Variants in PDE4B observed in about 807,000 individuals in gnomAD.
PDE4B encodes the protein 3',5'-cyclic-AMP phosphodiesterase 4B.
PDE4B carries 20 observed loss-of-function variants against 82.2 expected under a neutral mutation model. That is an observed-to-expected ratio of 0.24 (90% CI 0.17 to 0.35). The LOEUF (loss-of-function observed/expected upper bound fraction) is 0.35. Ranked by LOEUF, PDE4B falls within the 10% of genes least tolerant of loss-of-function variation. The pLI, the probability that PDE4B is intolerant of heterozygous loss-of-function variation, is 1.00. For missense variants in PDE4B, 655 were observed against 907.2 expected (o/e 0.72, Z 3.57); for synonymous variants, 320 against 318.9 (o/e 1.00, Z -0.04).
intron 3 of PDE4B, among the ~76,000 whole-genome samples, chr1:66,192,869 A>T (rs560466313): frequency 6.6e-6 from 1 of 152,282 alleles, no homozygotes; most frequent in Non-Finnish European, 1.5e-5. Flanking sequence ...TAAGCACCAA[A>T]CATATAATCA....
At chr1:65,912,164 CT>C (rs1410255295) in intron 1 of PDE4B, among the ~76,000 whole-genome samples, 7 of 152,066 alleles carry the variant, frequency 4.6e-5, no homozygotes, top group Admixed American at 2.0e-4. Context: ...TATAGTACAT[CT>C]TTTTTCAGTT....
intron 10 of PDE4B, 66 bp from the exon 11 acceptor site, chr1:66,363,102 T>TA (rs1041238086): frequency 3.7e-6 from 4 of 1,092,928 alleles, no homozygotes; most frequent in Admixed American, 2.0e-5. Context: ...AAAAATAAAT[T>TA]AAAAAAATGA....
At chr1:66,006,212 G>A (rs1018852094) in intron 3 of PDE4B, among the ~76,000 whole-genome samples, 3 of 152,148 alleles carry the variant, frequency 2.0e-5, no homozygotes, top group East Asian at 1.9e-4. Flanking sequence ...CAGCTTTGCT[G>A]CATTTGTGTA....
At chr1:66,223,951 G>A (rs1269764691) in intron 3 of PDE4B, among the ~76,000 whole-genome samples, 1 of 152,162 alleles carries the variant, frequency 6.6e-6, no homozygotes, top group Non-Finnish European at 1.5e-5. Flanking sequence ...CTACGTGCAT[G>A]TAGATGATGC....
At chr1:66,362,087 C>T (rs1662824600) in intron 10 of PDE4B, among the ~76,000 whole-genome samples, 1 of 151,946 alleles carries the variant, frequency 6.6e-6, no homozygotes, top group Admixed American at 6.6e-5. Context: ...TTTTTCCATA[C>T]CAAAGAACCA....
At chr1:66,215,965 G>A (rs890485319) in intron 3 of PDE4B, among the ~76,000 whole-genome samples, 1 of 152,040 alleles carries the variant, frequency 6.6e-6, no homozygotes, top group African/African-American at 2.4e-5. Context: ...AAAGTGGCAT[G>A]GAATGTAGTT....
chr1:66,036,895 G>A (rs1307880769), intron 3 of PDE4B, among the ~76,000 whole-genome samples: 3 of 151,980 alleles, frequency 2.0e-5, no homozygotes, highest in Non-Finnish European at 4.4e-5. Context: ...AACACTTTGG[G>A]GGGCCAACAC....
At chr1:66,336,176 G>A (rs538368733) in intron 8 of PDE4B, among the ~76,000 whole-genome samples, 3 of 152,298 alleles carry the variant, frequency 2.0e-5, no homozygotes, top group East Asian at 3.9e-4. Flanking sequence ...GTCATTAGAG[G>A]AGGATAGGAG....
intron 6 of PDE4B, among the ~76,000 whole-genome samples, chr1:66,265,541 C>T (rs1654968209): frequency 6.6e-6 from 1 of 152,096 alleles, no homozygotes; most frequent in Admixed American, 6.6e-5. Flanking sequence ...TGACTGTTCC[C>T]AGTGGTTGTG....
chr1:65,965,987 C>A (rs1321564765), intron 3 of PDE4B, among the ~76,000 whole-genome samples: 1 of 152,048 alleles, frequency 6.6e-6, no homozygotes, highest in African/African-American at 2.4e-5. Context: ...AAAACTAGCA[C>A]AAGGAAAGGA....
At chr1:66,096,541 T>C (rs994313078) in intron 3 of PDE4B, among the ~76,000 whole-genome samples, 2 of 144,638 alleles carry the variant, frequency 1.4e-5, no homozygotes, top group Admixed American at 7.0e-5. Context: ...TATATATATA[T>C]ACTGCATTTC....
At chr1:66,125,771 A>T (rs1645810504) in intron 3 of PDE4B, among the ~76,000 whole-genome samples, 1 of 152,208 alleles carries the variant, frequency 6.6e-6, no homozygotes, top group Non-Finnish European at 1.5e-5. Flanking sequence ...TTTGTTGAAC[A>T]TTAATTTTAA....
intron 3 of PDE4B, among the ~76,000 whole-genome samples, chr1:66,017,865 T>G (rs1320139858): frequency 6.6e-6 from 1 of 152,038 alleles, no homozygotes; most frequent in Non-Finnish European, 1.5e-5. Context: ...CAAGGGTGCT[T>G]TCCAAGAACA....
chr1:66,097,155 C>A (rs1257732338), intron 3 of PDE4B, among the ~76,000 whole-genome samples: 1 of 151,956 alleles, frequency 6.6e-6, no homozygotes, highest in African/African-American at 2.4e-5. Context: ...AGTATACGTT[C>A]AACTTTAGAA....
intron 3 of PDE4B, among the ~76,000 whole-genome samples, chr1:66,245,298 C>T (rs1024903246): frequency 5.3e-5 from 8 of 152,158 alleles, no homozygotes; most frequent in African/African-American, 1.7e-4. Flanking sequence ...AAAGGTTGCA[C>T]AGATACATAC....
rs143323877 is a variant in PDE4B, at chr1:66,107,915, T to C, written c.282-139545T>C. Among the ~76,000 whole-genome samples, 1,019 of 152,060 alleles carry C rather than the reference T, an allele frequency of 6.7e-3. 3 individuals are homozygous for C. The highest frequency in any genetic ancestry group is 0.017 in the Middle Eastern group (5 of 294). On this transcript the variant is annotated intron_variant, in intron 3 of 16. Transcript: ENST00000341517. Reference sequence around the variant, plus strand: ...CAAATCTCAAAACATTGTGATGAAATTAGACTTAAGATATTTAATTTGGAT... The same window carrying C: ...CAAATCTCAAAACATTGTGATGAAACTAGACTTAAGATATTTAATTTGGAT...
At chr1:66,241,064 G>A (rs1387271371) in intron 3 of PDE4B, among the ~76,000 whole-genome samples, 1 of 152,258 alleles carries the variant, frequency 6.6e-6, no homozygotes, top group Non-Finnish European at 1.5e-5. Flanking sequence ...GGCCCTGGAA[G>A]AAGAGAAAGC....
rs1424651871 is a variant in PDE4B at position 66,209,622 on chromosome 1, C to G, written c.282-37838C>G. ...ATGTATATACCCTTGTAGCTACCAC[C>G]CCCACTCAAATTATACATTTCCATC... On this transcript the variant is annotated intron_variant, in intron 3 of 16. Coordinates refer to ENST00000341517, the MANE Select transcript of PDE4B (RefSeq NM_002600.4). 1.9e-4 allele frequency among the ~76,000 whole-genome samples: 29 copies of G among 152,098 alleles called. 1 individual carries two copies. The highest frequency in any genetic ancestry group is 1.9e-3 in the Admixed American group (29 of 15,272).
chr1:65,936,895 G>A (rs920984124), intron 3 of PDE4B, among the ~76,000 whole-genome samples: 4 of 152,180 alleles, frequency 2.6e-5, no homozygotes, highest in African/African-American at 9.7e-5. Flanking sequence ...CTGATTAGTG[G>A]TGGGATTAAT....
Sources: gnomAD v4.1 joint callset for allele counts (sites outside exome capture counted in the v4.1 genomes callset) on GRCh38, gnomAD v4.1.1 for gene constraint, MANE v1.5 for transcripts, NCBI Gene and HGNC (gene_info 2026-07-23, HGNC 2026-07-21) for gene names.